Variants in IFFO2 observed in about 807,000 individuals in gnomAD.
IFFO2 encodes intermediate filament family orphan 2.
Under a neutral mutation model 53.5 loss-of-function variants are expected in IFFO2, and 19 were observed. The ratio of observed to expected loss-of-function variants is 0.36; its 90% confidence interval spans 0.25 to 0.52. The LOEUF is 0.52. Ranked by LOEUF, IFFO2 falls within the 20% of genes least tolerant of loss-of-function variation. The pLI is 0.94. For synonymous variants in IFFO2, 303 were observed against 313.6 expected (o/e 0.97, Z 0.36); for missense variants, 570 against 727.4 (o/e 0.78, Z 2.49).
chr1:18,929,569 C>T (rs1936345282), intron 1 of IFFO2, among the ~76,000 whole-genome samples: 1 of 152,094 alleles, frequency 6.6e-6, no homozygotes, highest in African/African-American at 2.4e-5. Flanking sequence ...CCTGACATTC[C>T]CCTCACCTGA....
chr1:18,956,476 G>C lies in IFFO2; in HGVS notation c.-144C>G. 6.3e-6 allele frequency: 1 copy of C among 159,974 alleles called. No individual in the cohort carries two copies. Among genetic ancestry groups the C allele is most frequent in the Admixed American group, 6.4e-5 (1 of 15,534 alleles). The allele number at this position is 159,974 out of a possible 1,614,324, so 9.9% of individuals were successfully genotyped here. Reference sequence around the variant, plus strand: ...GCGGTTCCAGATGCGCGCCAGATGCGGCCTCCGCAGAGACGGCAGGACGGA... The same window carrying C: ...GCGGTTCCAGATGCGCGCCAGATGCCGCCTCCGCAGAGACGGCAGGACGGA... On this transcript the variant is annotated 5_prime_UTR_variant, in exon 1 of 9. Transcript: ENST00000455833. This position sits in a 1 kb window ranked among gnomAD's most constrained non-coding sequence, Gnocchi z 6.4.
Position 18,956,295 on chromosome 1 carries a change from G to T in IFFO2, c.38C>A (p.Ala13Asp). ...NSLLFGEMAL[A>D]FGCPPGGGGG... ...GCCGCCGCCCGGCGGGCAGCCGAAGGCCAAGGCCATCTCCCCGAACAGCAG... is the reference window on the plus strand; with the variant it reads ...GCCGCCGCCCGGCGGGCAGCCGAAGTCCAAGGCCATCTCCCCGAACAGCAG... The change falls in exon 1 of 9, where the codon GCC (alanine) becomes GAC (aspartate). Residue 13 changes from alanine to aspartate, a missense_variant. Coordinates refer to ENST00000455833, the MANE Select transcript of IFFO2 (RefSeq NM_001136265.2). The surrounding 1 kb of genome is among the most constrained non-coding windows in gnomAD (Gnocchi z 6.4). The T allele has an allele frequency of 1.7e-6, 1 of 600,016 alleles. No individual in the cohort carries two copies. The allele number at this position is 600,016 out of a possible 1,614,324, so 37.2% of individuals were successfully genotyped here.
rs1237045232 is a variant in IFFO2, at chr1:18,907,768, A to T, written c.*793T>A. On this transcript the variant is annotated 3_prime_UTR_variant, in exon 9 of 9. Transcript: ENST00000455833. ...TAACCCCGGCCTCTCTCCCAGCTCC[A>T]GGGGGAAGCCAGGAGCCCAGGAGAG... is the stretch of plus-strand genomic sequence containing the variant. 6.6e-6 allele frequency: 1 copy of T among 152,334 alleles called. No individual in the cohort carries two copies. Among genetic ancestry groups the T allele is most frequent in the East Asian group, 1.9e-4 (1 of 5,194 alleles). 9.4% of individuals were successfully genotyped at this position (152,334 alleles called of 1,614,324 possible). A position where few individuals can be genotyped will look rare whatever the true frequency, so the allele number is the denominator to read the frequency against.
intron 1 of IFFO2, among the ~76,000 whole-genome samples, chr1:18,921,441 G>A (rs1169339057): frequency 6.6e-5 from 10 of 152,260 alleles, no homozygotes; most frequent in Admixed American, 6.5e-4. Context: ...TGCTGTGCAA[G>A]CACTGCTGCT....
At chr1:18,915,843 G>A (rs1936125283) in intron 5 of IFFO2, among the ~76,000 whole-genome samples, 1 of 152,222 alleles carries the variant, frequency 6.6e-6, no homozygotes, top group Admixed American at 6.5e-5. Flanking sequence ...ACGGCCCACA[G>A]GCTAGGAACG....
At chr1:18,930,254 C>A (rs771587460) in intron 1 of IFFO2, among the ~76,000 whole-genome samples, 1 of 152,190 alleles carries the variant, frequency 6.6e-6, no homozygotes, top group Non-Finnish European at 1.5e-5. Context: ...CTCATCCTCA[C>A]GACCTCCCAA....
chr1:18,952,498 T>C (rs1936670935), intron 1 of IFFO2, among the ~76,000 whole-genome samples: 1 of 152,216 alleles, frequency 6.6e-6, no homozygotes, highest in Non-Finnish European at 1.5e-5. Flanking sequence ...ATATGGTCTA[T>C]ACTACAGAGG....
In IFFO2 at chr1:18,918,185, G is replaced by A. The variant is rs959225096; in HGVS notation, c.963+177C>T. On this transcript the variant is annotated intron_variant, in intron 4 of 8. Transcript: ENST00000455833. The surrounding 1 kb of genome is among the most constrained non-coding windows in gnomAD (Gnocchi z 5.2). ...CAGTCAGACGAGCCTATGAGTCCACGGGTGCCTGATTCTACGTTTTCCTGG... is the reference window on the plus strand; with the variant it reads ...CAGTCAGACGAGCCTATGAGTCCACAGGTGCCTGATTCTACGTTTTCCTGG... Among the ~76,000 whole-genome samples, 1 of 152,170 alleles carries A rather than the reference G, an allele frequency of 6.6e-6. No homozygotes were observed. Among genetic ancestry groups the A allele is most frequent in the Non-Finnish European group, 1.5e-5 (1 of 68,030 alleles).
At chr1:18,922,227 C>G (rs1936225828) in intron 1 of IFFO2, among the ~76,000 whole-genome samples, 1 of 152,180 alleles carries the variant, frequency 6.6e-6, no homozygotes, top group South Asian at 2.1e-4. Flanking sequence ...AAGGCCCTAA[C>G]CCAGCTCCTC....
chr1:18,924,312 G>C (rs1433890693), intron 1 of IFFO2, among the ~76,000 whole-genome samples: 3 of 144,518 alleles, frequency 2.1e-5, no homozygotes, highest in African/African-American at 7.5e-5. Flanking sequence ...ACTGAGAACT[G>C]GTGAACCAAG....
chr1:18,933,939 G>C lies in IFFO2; in HGVS notation c.666-12818C>G, dbSNP rs531520523. On this transcript the variant is annotated intron_variant, in intron 1 of 8. Transcript: ENST00000455833. ...AGTAGTACCCCGTACCCCTCTCCCCGCAGCCCCTGGCAACCACCCTTCTAC... is the reference window on the plus strand; with the variant it reads ...AGTAGTACCCCGTACCCCTCTCCCCCCAGCCCCTGGCAACCACCCTTCTAC... 2.7e-5 allele frequency among the ~76,000 whole-genome samples: 4 copies of C among 149,984 alleles called. No individual in the cohort carries two copies. The East Asian group carries it at 7.9e-4, about 29-fold the overall frequency.
intron 5 of IFFO2, among the ~76,000 whole-genome samples, chr1:18,913,825 T>G (rs1242888639): frequency 2.4e-5 from 1 of 41,632 alleles, no homozygotes; most frequent in East Asian, 8.9e-4. Flanking sequence ...TTGTTGTTGT[T>G]TTTTTGTTTG....
chr1:18,948,943 T>A (rs1461410345), intron 1 of IFFO2, among the ~76,000 whole-genome samples: 2 of 152,230 alleles, frequency 1.3e-5, no homozygotes, highest in Non-Finnish European at 2.9e-5. Flanking sequence ...TTAGCATCCC[T>A]GTTTTACAGA....
chr1:18,908,730 G>A (rs908742187), intron 8 of IFFO2, 64 bp from the exon 9 acceptor site: 44 of 1,225,336 alleles, frequency 3.6e-5, no homozygotes, highest in Non-Finnish European at 4.9e-5. Flanking sequence ...GGGTCAAGGA[G>A]TGGGAAGGCT....
chr1:18,935,632 T>C (rs1310372995), intron 1 of IFFO2, among the ~76,000 whole-genome samples: 2 of 151,950 alleles, frequency 1.3e-5, no homozygotes, highest in Non-Finnish European at 2.9e-5. Context: ...CCACTTGGTA[T>C]TGAGGTTACT....
chr1:18,951,871 T>G (rs1057423393), intron 1 of IFFO2, among the ~76,000 whole-genome samples: 9 of 152,022 alleles, frequency 5.9e-5, no homozygotes, highest in Non-Finnish European at 1.3e-4. Context: ...GCGAACACAG[T>G]GTGGTCTCCA....
chr1:18,932,965 G>A (rs1290076835), intron 1 of IFFO2, among the ~76,000 whole-genome samples: 1 of 152,210 alleles, frequency 6.6e-6, no homozygotes, highest in East Asian at 1.9e-4. Flanking sequence ...ACCCAGGCCC[G>A]GCAGCCCAGA....
At chr1:18,934,002 A>G (rs901945173) in intron 1 of IFFO2, among the ~76,000 whole-genome samples, 1 of 148,822 alleles carries the variant, frequency 6.7e-6, no homozygotes, top group Non-Finnish European at 1.5e-5. Flanking sequence ...GGTACTTTGT[A>G]TAAATAGAAT....
chr1:18,925,714 G>T (rs2148172538), intron 1 of IFFO2, among the ~76,000 whole-genome samples: 1 of 152,356 alleles, frequency 6.6e-6, no homozygotes, highest in South Asian at 2.1e-4. Context: ...CCTCAAACTG[G>T]CTGGGCACTT....
Sources: gnomAD v4.1 joint callset for allele counts (sites outside exome capture counted in the v4.1 genomes callset) on GRCh38, gnomAD v4.1.1 for gene constraint, Gnocchi (gnomAD v3.1) non-coding constraint, MANE v1.5 for transcripts, NCBI Gene and HGNC (gene_info 2026-07-23, HGNC 2026-07-21) for gene names.